The following MANSC1 variants were observed in gnomAD, a reference collection of about 807,000 sequenced individuals.
MANSC1 encodes MANSC domain containing 1, also known as MANSC domain-containing protein 1.
MANSC1 carries 13 observed loss-of-function variants against 14.1 expected under a neutral mutation model. That is an observed-to-expected ratio of 0.92 (90% CI 0.60 to 1.46). The LOEUF (loss-of-function observed/expected upper bound fraction) is 1.46, where lower values mean the gene tolerates loss of function less well. Among genes scored for constraint, MANSC1 ranks in the 40% most tolerant of loss-of-function variants. The pLI, the probability that MANSC1 is intolerant of heterozygous loss-of-function variation, is 0.00. For missense variants in MANSC1, 486 were observed against 511.4 expected, an observed-to-expected ratio of 0.95 and a Z score of 0.48; for synonymous variants, 227 against 200.7, an observed-to-expected ratio of 1.13 and a Z score of -1.11.
chr12:12,344,936 T>TATATATATATAC (rs1203859109), intron 1 of MANSC1, among the ~76,000 whole-genome samples: 2 of 77,120 alleles, frequency 2.6e-5, no homozygotes, highest in African/African-American at 5.9e-5. Flanking sequence ...TATATATATA[T>TATATATATATAC]ATATATATAT....
At position 12,330,178 on chromosome 12, in the gene MANSC1, T is replaced by G; in HGVS notation, c.1145A>C (p.Glu382Ala). ...VPENQYGLPF[E>A]KWLLIGSLLF... ...CAGGGACCCGATAAGAAGCCATTTT[T>G]CAAATGGAAGGCCGTACTGATTTTC... The change falls in exon 4 of 4, where the codon GAA (glutamate) becomes GCA (alanine). Residue 382 changes from glutamate (E) to alanine (A), a missense_variant. Coordinates refer to ENST00000535902, the MANE Select transcript of MANSC1 (RefSeq NM_018050.4). The G allele has an allele frequency of 6.2e-7, 1 of 1,614,174 alleles. No homozygotes were observed. Among genetic ancestry groups the G allele is most frequent in the Non-Finnish European group, 8.5e-7 (1 of 1,180,038 alleles).
chr12:12,348,585 G>A (rs752996266), intron 1 of MANSC1, among the ~76,000 whole-genome samples: 2 of 152,046 alleles, frequency 1.3e-5, no homozygotes, highest in African/African-American at 2.4e-5. Context: ...TTGGGGCATT[G>A]AGACTATTCT....
chr12:12,342,774 T>C (rs1862954321), intron 2 of MANSC1, among the ~76,000 whole-genome samples: 1 of 152,144 alleles, frequency 6.6e-6, no homozygotes, highest in Non-Finnish European at 1.5e-5. Context: ...TGTATTCCAA[T>C]ACTCCATGCT....
intron 3 of MANSC1, among the ~76,000 whole-genome samples, chr12:12,331,843 G>A (rs1375437178): frequency 2.6e-5 from 4 of 152,080 alleles, no homozygotes; most frequent in Non-Finnish European, 5.9e-5. Flanking sequence ...GAGGAGGGAG[G>A]CTATCTGGGA....
At position 12,338,543 on chromosome 12, in the gene MANSC1, A is replaced by G. The variant is rs1862889713; in HGVS notation, c.241T>C (p.Leu81=). The part of the protein sequence containing the change: ...KNISGDKACN[L]MIFDTRKTAR... Reference sequence around the variant, plus strand: ...GTTTTTCGAGTGTCGAAGATCATCAAGTTACATGCTTTGTCCCCTGCAATG... The same window carrying G: ...GTTTTTCGAGTGTCGAAGATCATCAGGTTACATGCTTTGTCCCCTGCAATG... The change falls in exon 3 of 4, where the codon TTG becomes CTG. Residue 81 remains leucine (L), a synonymous_variant. Coordinates refer to ENST00000535902, the MANE Select transcript of MANSC1 (RefSeq NM_018050.4). The G allele has an allele frequency of 3.1e-6, 5 of 1,612,886 alleles. No individual in the cohort carries two copies. In the East Asian group the frequency reaches 6.7e-5, roughly 22 times the overall value.
At chr12:12,336,126 A>AC (rs1174545574) in intron 3 of MANSC1, among the ~76,000 whole-genome samples, 1 of 152,208 alleles carries the variant, frequency 6.6e-6, no homozygotes, top group African/African-American at 2.4e-5. Flanking sequence ...CAACAGAGTG[A>AC]GACTCTGTCT....
At chr12:12,336,062 C>T (rs984560009) in intron 3 of MANSC1, among the ~76,000 whole-genome samples, 4 of 152,034 alleles carry the variant, frequency 2.6e-5, no homozygotes, top group African/African-American at 9.7e-5. Flanking sequence ...ATATGCCCCT[C>T]CTAAGGCGGA....
chr12:12,341,861 G>T (rs544127509), intron 2 of MANSC1, among the ~76,000 whole-genome samples: 1 of 152,214 alleles, frequency 6.6e-6, no homozygotes, highest in South Asian at 2.1e-4. Context: ...ATGTGGTGGC[G>T]AACACCTGTA....
At chr12:12,338,302 T>C in intron 3 of MANSC1, 118 bp downstream of exon 3, 10 of 824,550 alleles carry the variant, frequency 1.2e-5, no homozygotes, top group Non-Finnish European at 1.8e-5. Context: ...CATGAGATTT[T>C]CTGATATGTC....
rs1389530276 is a variant in MANSC1, at chr12:12,343,111, A to C, written c.204T>G (p.Cys68Trp). The C allele has an allele frequency of 6.2e-7, 1 of 1,613,454 alleles. No individual in the cohort carries two copies. The highest frequency in any genetic ancestry group is 1.3e-5 in the African/African-American group (1 of 74,934). Residue 68 changes from cysteine (C) to tryptophan (W), a missense_variant, in exon 2 of 4, where the codon TGT becomes TGG. Coordinates refer to ENST00000535902, the MANE Select transcript of MANSC1 (RefSeq NM_018050.4). Reference protein sequence around the residue: ...STQEDCINSCCSTKNISGDKA... With the variant: ...STQEDCINSCWSTKNISGDKA... The stretch of plus-strand genomic sequence containing the variant: ...ATTTACCTGATATGTTTTTTGTTGA[A>C]CAGCAAGAATTAATGCAGTCTTCTT...
At chr12:12,349,768 G>A (rs1164278984) in intron 1 of MANSC1, among the ~76,000 whole-genome samples, 2 of 152,214 alleles carry the variant, frequency 1.3e-5, no homozygotes, top group Non-Finnish European at 2.9e-5. Context: ...CAAGAAAACA[G>A]GGAACATTTT....
intron 1 of MANSC1, 122 bp from the exon 2 acceptor site, chr12:12,343,536 A>C: frequency 2.0e-6 from 1 of 512,812 alleles, no homozygotes; most frequent in Non-Finnish European, 3.5e-6. Flanking sequence ...GAAAAGATAC[A>C]CGTATTTTTT....
chr12:12,344,255 T>A (rs1021649423), intron 1 of MANSC1, among the ~76,000 whole-genome samples: 6 of 152,120 alleles, frequency 3.9e-5, no homozygotes, highest in Admixed American at 6.6e-5. Context: ...TGGCTAATAC[T>A]GAGTGTCAAC....
chr12:12,343,928 A>G (rs1862970981), intron 1 of MANSC1, among the ~76,000 whole-genome samples: 1 of 152,082 alleles, frequency 6.6e-6, no homozygotes, highest in Non-Finnish European at 1.5e-5. Flanking sequence ...CCTGGGCAAC[A>G]TGGTGAAACC....
chr12:12,343,028 A>T (rs1862957935), intron 2 of MANSC1, 64 bp downstream of exon 2: 1 of 1,143,142 alleles, frequency 8.7e-7, no homozygotes, highest in Non-Finnish European at 1.3e-6. Flanking sequence ...ATTCAGCCAC[A>T]TCCCCCAGCT....
At chr12:12,340,784 C>G (rs949869604) in intron 2 of MANSC1, among the ~76,000 whole-genome samples, 3 of 152,164 alleles carry the variant, frequency 2.0e-5, no homozygotes, top group Admixed American at 1.3e-4. Context: ...ACCACACTTA[C>G]AGTATTCAGT....
chr12:12,338,858 G>A, intron 2 of MANSC1: 1 of 391,802 alleles, frequency 2.6e-6, no homozygotes, highest in Non-Finnish European at 4.7e-6. Flanking sequence ...AAGAAGGCAG[G>A]GCTGAAAGGC....
intron 3 of MANSC1, among the ~76,000 whole-genome samples, chr12:12,332,093 T>A (rs1862798546): frequency 6.6e-6 from 1 of 152,172 alleles, no homozygotes; most frequent in Non-Finnish European, 1.5e-5. Context: ...TGGAAAGACC[T>A]GTTCAAGCAA....
At chr12:12,349,673 C>T (rs979261562) in intron 1 of MANSC1, among the ~76,000 whole-genome samples, 1 of 152,152 alleles carries the variant, frequency 6.6e-6, no homozygotes, top group African/African-American at 2.4e-5. Flanking sequence ...TATAATTTAC[C>T]AAGATGCTTA....
Sources: gnomAD v4.1 joint callset for allele counts (sites outside exome capture counted in the v4.1 genomes callset) on GRCh38, gnomAD v4.1.1 for gene constraint, MANE v1.5 for transcripts, NCBI Gene and HGNC (gene_info 2026-07-23, HGNC 2026-07-21) for gene names.